Variants in CCDC177 observed in about 807,000 individuals in gnomAD.
The protein encoded by CCDC177 is coiled-coil domain-containing protein 177.
Under a neutral mutation model 7.3 loss-of-function variants are expected in CCDC177, and 2 were observed. That is an observed-to-expected ratio of 0.28 (90% CI 0.11 to 0.87). The LOEUF (loss-of-function observed/expected upper bound fraction) is 0.87. CCDC177 is among the 40% of genes least tolerant of loss of function. The pLI is 0.61. For missense variants in CCDC177, 874 were observed against 970.5 expected, an observed-to-expected ratio of 0.90 and a Z score of 1.32; for synonymous variants, 401 against 449.2, an observed-to-expected ratio of 0.89 and a Z score of 1.36.
chr14:69,572,323 G>A lies in CCDC177; in HGVS notation c.1300C>T (p.Arg434Cys), dbSNP rs932569889. Residue 434 changes from arginine to cysteine, a missense_variant, in exon 2 of 2, where the codon CGC becomes TGC. Transcript: ENST00000599174. The stretch of plus-strand genomic sequence containing the variant: ...CGCTCCCGCCGCAGGAGGCCCTGGC[G>A]TTCGGCCAGCTCCCGCCGCCGCTCC... ...SEERRRELAE[R>C]QGLLRRERAE... The A allele has an allele frequency of 8.2e-6, 10 of 1,226,650 alleles. No individual in the cohort carries two copies. Among genetic ancestry groups the A allele is most frequent in the Non-Finnish European group, 3.0e-6 (3 of 984,928 alleles). 76.0% of individuals were successfully genotyped at this position (1,226,650 alleles called of 1,614,324 possible).
Position 69,571,381 on chromosome 14 carries a change from G to A in CCDC177, c.*118C>T. 1.6e-6 allele frequency: 1 copy of A among 641,728 alleles called. No individual in the cohort carries two copies. Among genetic ancestry groups the A allele is most frequent in the Non-Finnish European group, 2.3e-6 (1 of 428,056 alleles). 39.8% of individuals were successfully genotyped at this position (641,728 alleles called of 1,614,324 possible). On this transcript the variant is annotated 3_prime_UTR_variant, in exon 2 of 2. Transcript: ENST00000599174. Reference sequence around the variant, plus strand: ...CGTCTGTACTGTTGTTGCCTCATTGGTCAGAAGCCTCGAGAGGCCACCGCG... The same window carrying A: ...CGTCTGTACTGTTGTTGCCTCATTGATCAGAAGCCTCGAGAGGCCACCGCG...
chr14:69,573,013 C>T lies in CCDC177; in HGVS notation c.610G>A (p.Ala204Thr). Residue 204 changes from alanine (A) to threonine (T), a missense_variant, in exon 2 of 2, where the codon GCG (alanine) becomes ACG (threonine). Transcript: ENST00000599174. ...GGACTAGGGGAAGCCTTGCGGGCCG[C>T]ACGCGGCGCGGGCGAGGCCGGGAGG... ...ASLPASPAPRAARKASPSPSS... is the reference protein window; with the variant it reads ...ASLPASPAPRTARKASPSPSS... 1.6e-6 allele frequency: 2 copies of T among 1,229,738 alleles called. No individual in the cohort carries two copies. Among genetic ancestry groups the T allele is most frequent in the Non-Finnish European group, 2.0e-6 (2 of 987,108 alleles). The allele number at this position is 1,229,738 out of a possible 1,614,324, so 76.2% of individuals were successfully genotyped here.
chr14:69,571,589 C>T lies in CCDC177; in HGVS notation c.2034G>A (p.Val678=). The change falls in exon 2 of 2, where the codon GTG becomes GTA. Residue 678 remains valine (V), a synonymous_variant. Transcript: ENST00000599174. ...ARSTARASFH[V]REKVREETNT... is the part of the protein sequence containing the mutation. ...TGGTCTCCTCGCGCACCTTCTCACGCACGTGGAAGGAAGCCCGGGCTGTGG... is the reference window on the plus strand; with the variant it reads ...TGGTCTCCTCGCGCACCTTCTCACGTACGTGGAAGGAAGCCCGGGCTGTGG... 1 of 1,235,310 alleles carries T rather than the reference C, an allele frequency of 8.1e-7. No individual in the cohort carries two copies. The highest frequency in any genetic ancestry group is 1.0e-6 in the Non-Finnish European group (1 of 990,072). The allele number at this position is 1,235,310 out of a possible 1,614,324, so 76.5% of individuals were successfully genotyped here. A position where few individuals can be genotyped will look rare whatever the true frequency, so the allele number is the denominator to read the frequency against.
At position 69,573,128 on chromosome 14, in the gene CCDC177, C is replaced by T. The variant is rs1045455324; in HGVS notation, c.495G>A (p.Thr165=). Residue 165 remains threonine (T), a synonymous_variant, in exon 2 of 2, where the codon ACG becomes ACA. Coordinates refer to ENST00000599174, the MANE Select transcript of CCDC177 (RefSeq NM_001271507.2). ...IMREEKRRLF[T]PLSPAAAAAA... ...CGGCGGCGGCCGCGGGGCTCAAAGG[C>T]GTGAAAAGACGCCGCTTCTCCTCGC... 3 of 1,228,052 alleles carry T rather than the reference C, an allele frequency of 2.4e-6. No individual in the cohort carries two copies. The highest frequency in any genetic ancestry group is 4.2e-5 in the Admixed American group (1 of 23,540). 76.1% of individuals were successfully genotyped at this position (1,228,052 alleles called of 1,614,324 possible). A position where few individuals can be genotyped will look rare whatever the true frequency, so the allele number is the denominator to read the frequency against.
Position 69,572,076 on chromosome 14 carries a change from A to G in CCDC177, c.1547T>C (p.Leu516Pro). 8.1e-7 allele frequency: 1 copy of G among 1,230,512 alleles called. No individual in the cohort carries two copies. The highest frequency in any genetic ancestry group is 1.0e-6 in the Non-Finnish European group (1 of 987,224). The allele number at this position is 1,230,512 out of a possible 1,614,324, so 76.2% of individuals were successfully genotyped here. A position where few individuals can be genotyped will look rare whatever the true frequency, so the allele number is the denominator to read the frequency against. Residue 516 changes from leucine to proline, a missense_variant, in exon 2 of 2, where the codon CTA (leucine) becomes CCA (proline). Leu to Pro is a moderately conservative substitution (Grantham distance 98). Transcript: ENST00000599174. The stretch of plus-strand genomic sequence containing the variant: ...GCGCTGCTGCCGGGTCCGACCCTGT[A>G]GCAGCGCCTCGTGGCGCGCCCGCTC... The part of the protein sequence containing the change: ...RAERARHEAL[L>P]QGRTRQQRQE...
In CCDC177 at chr14:69,573,323, G is replaced by A. The variant is rs1462602760; in HGVS notation, c.300C>T (p.Cys100=). ...CCACCGGCTTGACCGCACAGCGGGCGCAGGCCTCTAGCGAGCGGGGGCTGG... is the reference window on the plus strand; with the variant it reads ...CCACCGGCTTGACCGCACAGCGGGCACAGGCCTCTAGCGAGCGGGGGCTGG... ...VLTSPRSLEA[C]ARCAVKPVEL... Residue 100 remains cysteine, a synonymous_variant, in exon 2 of 2, where the codon TGC becomes TGT. Coordinates refer to ENST00000599174, the MANE Select transcript of CCDC177 (RefSeq NM_001271507.2). 5 of 1,231,382 alleles carry A rather than the reference G, an allele frequency of 4.1e-6. No individual in the cohort carries two copies. In the South Asian group the frequency reaches 1.2e-4, roughly 30 times the overall value. The allele number at this position is 1,231,382 out of a possible 1,614,324, so 76.3% of individuals were successfully genotyped here. A position where few individuals can be genotyped will look rare whatever the true frequency, so the allele number is the denominator to read the frequency against.
In CCDC177 at chr14:69,571,513, G is replaced by A. The variant is rs1884323262; in HGVS notation, c.2110C>T (p.Leu704=). The A allele has an allele frequency of 8.0e-7, 1 of 1,245,474 alleles. No individual in the cohort carries two copies. Among genetic ancestry groups the A allele is most frequent in the Admixed American group, 3.8e-5 (1 of 26,510 alleles). The allele number at this position is 1,245,474 out of a possible 1,614,324, so 77.2% of individuals were successfully genotyped here. The change falls in exon 2 of 2, where the codon CTG becomes TTG. Residue 704 remains leucine, a synonymous_variant. Coordinates refer to ENST00000599174, the MANE Select transcript of CCDC177 (RefSeq NM_001271507.2). ...AAGAGCCGCAGTTATTTGCGGTCCA[G>A]GCTGGCGTGTAGCTGGGCCTCCCGC... ...MVREAQLHAS[L]DRK is the part of the protein sequence containing the mutation.
intron 1 of CCDC177, among the ~76,000 whole-genome samples, chr14:69,574,103 C>T (rs528054941): frequency 6.6e-6 from 1 of 152,316 alleles, no homozygotes; most frequent in South Asian, 2.1e-4. Context: ...GCCTGTTCAT[C>T]CCAAGGGACC....
In CCDC177 at chr14:69,572,336, C is replaced by T. The variant is rs890399695; in HGVS notation, c.1287G>A (p.Arg429=). ...RQYERSEERR[R]ELAERQGLLR... ...GGAGGCCCTGGCGTTCGGCCAGCTC[C>T]CGCCGCCGCTCCTCGCTGCGCTCGT... is the stretch of plus-strand genomic sequence containing the variant. Residue 429 remains arginine, a synonymous_variant, in exon 2 of 2, where the codon CGG becomes CGA. Coordinates refer to ENST00000599174, the MANE Select transcript of CCDC177 (RefSeq NM_001271507.2). 4 of 1,225,768 alleles carry T rather than the reference C, an allele frequency of 3.3e-6. No homozygotes were observed. The African/African-American group carries it at 4.7e-5, about 14-fold the overall frequency. 75.9% of individuals were successfully genotyped at this position (1,225,768 alleles called of 1,614,324 possible).
rs752017207 is a variant in CCDC177 at position 69,571,007 on chromosome 14, C to G, written c.*492G>C. The G allele has an allele frequency of 4.3e-6, 2 of 461,126 alleles. No homozygotes were observed. The highest frequency in any genetic ancestry group is 2.3e-5 in the Admixed American group (1 of 42,644). The allele number at this position is 461,126 out of a possible 1,614,324, so 28.6% of individuals were successfully genotyped here. The stretch of plus-strand genomic sequence containing the variant: ...GGAGGAGCTGTGTTTCTCTGGGAGG[C>G]CTCCGCGATTTGTGCAGCTTGCCAT... On this transcript the variant is annotated 3_prime_UTR_variant, in exon 2 of 2. Coordinates refer to ENST00000599174, the MANE Select transcript of CCDC177 (RefSeq NM_001271507.2).
chr14:69,571,628 C>T lies in CCDC177; in HGVS notation c.1995G>A (p.Leu665=). The part of the protein sequence containing the change: ...EQLTRERRSA[L]ESARSTARAS... ...CCCGGGCTGTGGAGCGGGCGCTCTCCAGCGCACTGCGCCGTTCCCGCGTCA... is the reference window on the plus strand; with the variant it reads ...CCCGGGCTGTGGAGCGGGCGCTCTCTAGCGCACTGCGCCGTTCCCGCGTCA... The change falls in exon 2 of 2, where the codon CTG becomes CTA. Residue 665 remains leucine, a synonymous_variant. Coordinates refer to ENST00000599174, the MANE Select transcript of CCDC177 (RefSeq NM_001271507.2). The T allele has an allele frequency of 8.1e-7, 1 of 1,233,820 alleles. No individual in the cohort carries two copies. Among genetic ancestry groups the T allele is most frequent in the African/African-American group, 1.5e-5 (1 of 64,554 alleles). The allele number at this position is 1,233,820 out of a possible 1,614,324, so 76.4% of individuals were successfully genotyped here.
In CCDC177 at chr14:69,570,915, G is replaced by A. The variant is rs1016024644; in HGVS notation, c.*584C>T. ...ATCAAAACTGGTGAGAATTTGCTCA[G>A]GTGGCCGATTAAAAGGTCTAAAAAA... On this transcript the variant is annotated 3_prime_UTR_variant, in exon 2 of 2. Coordinates refer to ENST00000599174, the MANE Select transcript of CCDC177 (RefSeq NM_001271507.2). The A allele has an allele frequency of 1.1e-5, 5 of 457,684 alleles. No individual in the cohort carries two copies. The highest frequency in any genetic ancestry group is 1.0e-4 in the African/African-American group (5 of 50,054). The allele number at this position is 457,684 out of a possible 1,614,324, so 28.4% of individuals were successfully genotyped here.
chr14:69,572,700 A>AG lies in CCDC177; in HGVS notation c.922dup (p.Leu308ProfsTer31). 1 of 1,231,402 alleles carries AG rather than the reference A, an allele frequency of 8.1e-7. No homozygotes were observed. Among genetic ancestry groups the AG allele is most frequent in the South Asian group, 4.1e-5 (1 of 24,318 alleles). 76.3% of individuals were successfully genotyped at this position (1,231,402 alleles called of 1,614,324 possible). Reference sequence around the variant, plus strand: ...CTGAGCGGTCTGCGGCGAATGGCTCAGGTCGCCGAGGCTGAAGCTGCGGCC... The same window carrying AG: ...CTGAGCGGTCTGCGGCGAATGGCTCAGGGTCGCCGAGGCTGAAGCTGCGGCC... On this transcript the variant is annotated frameshift_variant, in exon 2 of 2. Transcript: ENST00000599174. LOFTEE classifies it low-confidence loss of function (END_TRUNC).
At position 69,570,585 on chromosome 14, in the gene CCDC177, CT is replaced by C; in HGVS notation, c.*913del. 1 of 356,268 alleles carries C rather than the reference CT, an allele frequency of 2.8e-6. No homozygotes were observed. Among genetic ancestry groups the C allele is most frequent in the South Asian group, 2.2e-5 (1 of 46,004 alleles). The allele number at this position is 356,268 out of a possible 1,614,324, so 22.1% of individuals were successfully genotyped here. A position where few individuals can be genotyped will look rare whatever the true frequency, so the allele number is the denominator to read the frequency against. On this transcript the variant is annotated 3_prime_UTR_variant, in exon 2 of 2. Coordinates refer to ENST00000599174, the MANE Select transcript of CCDC177 (RefSeq NM_001271507.2). ...CCCACCCTTGAGACGGCATGCAGGG[CT>C]GGAGATTTAGGCAGGAACAGCCTGG... is the stretch of plus-strand genomic sequence containing the variant.
rs982581763 is a variant in CCDC177, at chr14:69,569,827, T to C, written c.*1672A>G. 1.3e-5 allele frequency: 2 copies of C among 152,060 alleles called. No individual in the cohort carries two copies. Among genetic ancestry groups the C allele is most frequent in the African/African-American group, 4.8e-5 (2 of 41,406 alleles). 9.4% of individuals were successfully genotyped at this position (152,060 alleles called of 1,614,324 possible). ...TACCCAGCAGAATATATATGAAATA[T>C]GTTTAATGTAGCAGTTCTCTACCCT... On this transcript the variant is annotated 3_prime_UTR_variant, in exon 2 of 2. Transcript: ENST00000599174.
Position 69,572,566 on chromosome 14 carries a change from G to C in CCDC177, c.1057C>G (p.Leu353Val), listed in dbSNP as rs989574045. The change falls in exon 2 of 2, where the codon CTC (leucine) becomes GTC (valine). Residue 353 changes from leucine to valine, a missense_variant. Transcript: ENST00000599174. Reference protein sequence around the residue: ...ALMLARHQEELLLLEQRAAAH... With the variant: ...ALMLARHQEEVLLLEQRAAAH... Reference sequence around the variant, plus strand: ...GCCGCGCGTTGCTCCAGCAGCAGGAGCTCCTCCTGGTGCCGCGCCAGCATG... The same window carrying C: ...GCCGCGCGTTGCTCCAGCAGCAGGACCTCCTCCTGGTGCCGCGCCAGCATG... 1 of 1,231,046 alleles carries C rather than the reference G, an allele frequency of 8.1e-7. No individual in the cohort carries two copies. Among genetic ancestry groups the C allele is most frequent in the African/African-American group, 1.6e-5 (1 of 64,398 alleles). The allele number at this position is 1,231,046 out of a possible 1,614,324, so 76.3% of individuals were successfully genotyped here.
chr14:69,573,651 C>T lies in CCDC177; in HGVS notation c.-28-1G>A. On this transcript the variant is annotated splice_acceptor_variant, in intron 1 of 1. Coordinates refer to ENST00000599174, the MANE Select transcript of CCDC177 (RefSeq NM_001271507.2). LOFTEE classifies it low-confidence loss of function (5UTR_SPLICE). ...TGAGCCCCGTCCTTTGTTGGAATCT[C>T]TGCAGATCACAAGGAGGGACATCGA... 8.1e-7 allele frequency: 1 copy of T among 1,231,820 alleles called. No homozygotes were observed. Among genetic ancestry groups the T allele is most frequent in the Non-Finnish European group, 1.0e-6 (1 of 987,992 alleles). 76.3% of individuals were successfully genotyped at this position (1,231,820 alleles called of 1,614,324 possible).
chr14:69,570,564 C>G lies in CCDC177; in HGVS notation c.*935G>C. The stretch of plus-strand genomic sequence containing the variant: ...TACACTCCAAACTCTCTGGGGCCCA[C>G]CCTTGAGACGGCATGCAGGGCTGGA... On this transcript the variant is annotated 3_prime_UTR_variant, in exon 2 of 2. Coordinates refer to ENST00000599174, the MANE Select transcript of CCDC177 (RefSeq NM_001271507.2). 1 of 352,934 alleles carries G rather than the reference C, an allele frequency of 2.8e-6. No homozygotes were observed. The allele number at this position is 352,934 out of a possible 1,614,324, so 21.9% of individuals were successfully genotyped here. A position where few individuals can be genotyped will look rare whatever the true frequency, so the allele number is the denominator to read the frequency against.
In CCDC177 at chr14:69,573,159, A is replaced by G; in HGVS notation, c.464T>C (p.Ile155Thr). The change falls in exon 2 of 2, where the codon ATC becomes ACC. Residue 155 changes from isoleucine (I) to threonine (T), a missense_variant. By Grantham distance (89) the Ile-to-Thr change is moderately conservative (BLOSUM62 -1). Coordinates refer to ENST00000599174, the MANE Select transcript of CCDC177 (RefSeq NM_001271507.2). ...AAGACGCCGCTTCTCCTCGCGCATG[A>G]TGCGCTCGCGCTCGGCCCGGCATTG... ...LQQCRAERER[I>T]MREEKRRLFT... 1.6e-6 allele frequency: 2 copies of G among 1,229,450 alleles called. No homozygotes were observed. The highest frequency in any genetic ancestry group is 1.0e-6 in the Non-Finnish European group (1 of 986,634). The allele number at this position is 1,229,450 out of a possible 1,614,324, so 76.2% of individuals were successfully genotyped here. A position where few individuals can be genotyped will look rare whatever the true frequency, so the allele number is the denominator to read the frequency against.
Sources: gnomAD v4.1 joint callset for allele counts (sites outside exome capture counted in the v4.1 genomes callset) on GRCh38, gnomAD v4.1.1 for gene constraint, MANE v1.5 for transcripts, NCBI Gene and HGNC (gene_info 2026-07-23, HGNC 2026-07-21) for gene names.